OCM: variants seen among roughly 807,000 people sequenced by gnomAD.
The protein encoded by OCM is oncomodulin-1.
OCM carries 18 observed loss-of-function variants against 14.1 expected under a neutral mutation model. The ratio of observed to expected loss-of-function variants is 1.28; its 90% CI spans 0.88 to 1.89. OCM has a LOEUF of 1.89. OCM is among the 40% of genes most tolerant of loss of function. The pLI is 0.00. For missense variants in OCM, 140 were observed against 137.6 expected (o/e 1.02, Z -0.09); for synonymous variants, 48 against 51.0 (o/e 0.94, Z 0.25).
the OCM span, among the ~76,000 whole-genome samples, chr7:5,872,834 A>T: frequency 2.0e-5 from 3 of 152,106 alleles, 1 homozygote; most frequent in Non-Finnish European, 4.4e-5. Flanking sequence ...TGACCCTGCC[A>T]CATCCCCCTC....
At chr7:5,863,950 C>T in the OCM span, among the ~76,000 whole-genome samples, 2 of 151,886 alleles carry the variant, frequency 1.3e-5, no homozygotes, top group African/African-American at 4.8e-5. Flanking sequence ...AGTATTTTCT[C>T]AGTTAAGGAG....
rs188011384 is a variant in OCM, at chr7:5,882,462, G to A, written c.62-31G>A. Reference sequence around the variant, plus strand: ...CCCAACATAGAATGTGATCCAACAAGCGTCAGAATAACCAATTCTCTGTTC... The same window carrying A: ...CCCAACATAGAATGTGATCCAACAAACGTCAGAATAACCAATTCTCTGTTC... On this transcript the variant is annotated intron_variant, in intron 1 of 3. Transcript: ENST00000242104. The A allele has an allele frequency of 4.4e-4, 706 of 1,599,198 alleles. 1 individual carries two copies. The African/African-American group carries it at 8.5e-3, about 19-fold the overall frequency.
At chr7:5,860,457 AT>A in the OCM span, among the ~76,000 whole-genome samples, 8 of 131,376 alleles carry the variant, frequency 6.1e-5, no homozygotes, top group Admixed American at 3.2e-4. Flanking sequence ...GTGTATGTAT[AT>A]TATTACGTAT....
chr7:5,870,174 A>G, the OCM span, among the ~76,000 whole-genome samples: 1 of 151,972 alleles, frequency 6.6e-6, no homozygotes, highest in Non-Finnish European at 1.5e-5. Flanking sequence ...TGGTATGATC[A>G]TGGCTCACTG....
At chr7:5,879,829 A>T (rs1781172555), upstream of OCM, 1 of 151,874 alleles carries the variant, frequency 6.6e-6, no homozygotes, top group Non-Finnish European at 1.5e-5. Context: ...CTTGAAAAGG[A>T]AATCTAAGAG....
the OCM span, among the ~76,000 whole-genome samples, chr7:5,860,647 G>A: frequency 2.9e-3 from 73 of 25,292 alleles, 30 homozygotes; most frequent in African/African-American, 0.08. Flanking sequence ...ATATACGTGT[G>A]TATATATATT....
In OCM at chr7:5,880,968, C is replaced by CG. The variant is rs1317983249; in HGVS notation, c.61+23dup. ...ATGCCGAGGTAGAGGGGACGTGAGG[C>CG]GGGGGTGGGATTTCCTCACAGCTTT... On this transcript the variant is annotated intron_variant, in intron 1 of 3. Transcript: ENST00000242104. 2 of 932,468 alleles carry CG rather than the reference C, an allele frequency of 2.1e-6. No homozygotes were observed. Among genetic ancestry groups the CG allele is most frequent in the South Asian group, 1.3e-5 (1 of 77,884 alleles). 57.8% of individuals were successfully genotyped at this position (932,468 alleles called of 1,614,324 possible). A position where few individuals can be genotyped will look rare whatever the true frequency, so the allele number is the denominator to read the frequency against.
upstream of OCM, among the ~76,000 whole-genome samples, chr7:5,877,664 GC>G (rs757712133): frequency 2.7e-5 from 4 of 150,466 alleles, no homozygotes; most frequent in African/African-American, 4.9e-5. Context: ...TACTAAAAAT[GC>G]AAAAATTACC....
the OCM span, among the ~76,000 whole-genome samples, chr7:5,870,494 C>G: frequency 6.6e-6 from 1 of 152,208 alleles, no homozygotes; most frequent in Admixed American, 6.5e-5. Context: ...AATTTCTTCT[C>G]ACTGGGGTTC....
At chr7:5,876,299 C>T (rs933258890), upstream of OCM, among the ~76,000 whole-genome samples, 3 of 152,064 alleles carry the variant, frequency 2.0e-5, no homozygotes, top group Non-Finnish European at 2.9e-5. Context: ...CCACTGGACC[C>T]GGCAGGGGCT....
At chr7:5,860,805 CATACACACATACAT>C in the OCM span, among the ~76,000 whole-genome samples, 2 of 109,972 alleles carry the variant, frequency 1.8e-5, no homozygotes, top group African/African-American at 6.5e-5. Flanking sequence ...TATATACACA[CATACACACATACAT>C]ATATATACAC....
At chr7:5,885,680 G>C (rs936077678) in intron 3 of OCM, among the ~76,000 whole-genome samples, 4 of 148,078 alleles carry the variant, frequency 2.7e-5, no homozygotes, top group African/African-American at 7.5e-5. Flanking sequence ...GCGTGATTTC[G>C]GCTCACTGCA....
At chr7:5,875,025 A>AATCTAT (rs925991252), upstream of OCM, among the ~76,000 whole-genome samples, 2 of 150,628 alleles carry the variant, frequency 1.3e-5, no homozygotes, top group African/African-American at 2.4e-5. Flanking sequence ...TCTCTGTGTG[A>AATCTAT]ATCTATATCT....
upstream of OCM, among the ~76,000 whole-genome samples, chr7:5,877,339 G>A (rs938229619): frequency 6.6e-6 from 1 of 151,400 alleles, no homozygotes; most frequent in Non-Finnish European, 1.5e-5. Context: ...GTGGTGGTGT[G>A]TGCCTATAGT....
chr7:5,884,708 G>A (rs1413455214), intron 3 of OCM, among the ~76,000 whole-genome samples: 1 of 89,292 alleles, frequency 1.1e-5, no homozygotes, highest in Non-Finnish European at 2.6e-5. Context: ...TACGTTAGAT[G>A]CTTATTAAAA....
chr7:5,866,192 G>C, the OCM span, among the ~76,000 whole-genome samples: 1 of 151,606 alleles, frequency 6.6e-6, no homozygotes, highest in Non-Finnish European at 1.5e-5. Flanking sequence ...GGTTCTGGTG[G>C]TGTGTGCCTG....
At chr7:5,866,346 G>GAAGGAGGGAGGAAAGGAGGA in the OCM span, among the ~76,000 whole-genome samples, 2 of 117,650 alleles carry the variant, frequency 1.7e-5, no homozygotes, top group African/African-American at 7.5e-5. Flanking sequence ...GTGGGGGGGA[G>GAAGGAGGGAGGAAAGGAGGA]AGGGAGGGAG....
chr7:5,859,977 C>T, the OCM span, among the ~76,000 whole-genome samples: 2 of 152,006 alleles, frequency 1.3e-5, no homozygotes, highest in East Asian at 1.9e-4. Flanking sequence ...TGTGAGCCAC[C>T]GCGCCCAGCC....
At chr7:5,865,517 G>C in the OCM span, among the ~76,000 whole-genome samples, 1 of 152,278 alleles carries the variant, frequency 6.6e-6, no homozygotes, top group South Asian at 2.1e-4. Flanking sequence ...ACACCGTGAA[G>C]GTCATTTATG....
Sources: allele counts gnomAD v4.1 joint callset (sites outside exome capture counted in the v4.1 genomes callset), GRCh38; gene constraint gnomAD v4.1.1; transcripts MANE v1.5; gene names NCBI Gene and HGNC (gene_info 2026-07-23, HGNC 2026-07-21).